Variants in RCL1 observed in about 807,000 individuals in gnomAD.
The protein encoded by RCL1 is RNA 3'-terminal phosphate cyclase-like protein.
RCL1 carries 24 observed loss-of-function variants against 42.4 expected under a neutral mutation model. The observed-to-expected ratio is 0.57, with a 90% confidence interval of 0.41 to 0.80. RCL1 has a LOEUF of 0.80. Ranked by LOEUF, RCL1 falls within the 30% of genes least tolerant of loss-of-function variation. The pLI is 0.00. For missense variants in RCL1, 578 were observed against 467.9 expected (o/e 1.24, Z -2.17); for synonymous variants, 228 against 177.3 (o/e 1.29, Z -2.27).
intron 1 of RCL1, among the ~76,000 whole-genome samples, chr9:4,795,013 A>G (rs1329483058): frequency 1.3e-5 from 2 of 152,164 alleles, no homozygotes; most frequent in African/African-American, 2.4e-5. Context: ...AGAGACTCCT[A>G]GTTATTTGTA....
At chr9:4,849,576 T>C in intron 8 of RCL1, 26 bp downstream of exon 8, 1 of 1,544,048 alleles carries the variant, frequency 6.5e-7, no homozygotes, top group Non-Finnish European at 9.0e-7. Context: ...TCAACCTCGT[T>C]ATTCTGTCCA....
At chr9:4,808,964 C>G (rs1401288341) in intron 1 of RCL1, among the ~76,000 whole-genome samples, 1 of 152,218 alleles carries the variant, frequency 6.6e-6, no homozygotes, top group Non-Finnish European at 1.5e-5. Context: ...TTTATTGCCT[C>G]TGGCTACTTA....
At chr9:4,841,379 G>A in intron 6 of RCL1, 22 bp downstream of exon 6, 1 of 1,593,036 alleles carries the variant, frequency 6.3e-7, no homozygotes. Context: ...TGTTTTTGAA[G>A]TCTGTTTCTG....
At chr9:4,842,651 T>TTAA (rs1294652818) in intron 6 of RCL1, among the ~76,000 whole-genome samples, 1 of 152,232 alleles carries the variant, frequency 6.6e-6, no homozygotes, top group East Asian at 1.9e-4. Context: ...ATATAAGCCA[T>TTAA]TAATACCTTG....
At chr9:4,834,079 G>C in intron 4 of RCL1, 62 bp from the exon 5 acceptor site, 1 of 1,562,706 alleles carries the variant, frequency 6.4e-7, no homozygotes, top group African/African-American at 1.4e-5. Context: ...TCCTGGGCAG[G>C]GTGTCAGGGT....
In RCL1 at chr9:4,795,964, G is replaced by A. The variant is rs72697953; in HGVS notation, c.136+2737G>A. Among the ~76,000 whole-genome samples, 138 of 152,310 alleles carry A rather than the reference G, an allele frequency of 9.1e-4. 1 individual carries two copies. Among genetic ancestry groups the A allele is most frequent in the Admixed American group, 3.7e-3 (57 of 15,298 alleles). ...GAGTATTGTACAGGGGCTCAGTGGAGTTCAGAGCAGACACTTCCCTGAAAG... is the reference window on the plus strand; with the variant it reads ...GAGTATTGTACAGGGGCTCAGTGGAATTCAGAGCAGACACTTCCCTGAAAG... On this transcript the variant is annotated intron_variant, in intron 1 of 8. Coordinates refer to ENST00000381750, the MANE Select transcript of RCL1 (RefSeq NM_005772.5).
At chr9:4,799,728 A>C (rs1243575976) in intron 1 of RCL1, among the ~76,000 whole-genome samples, 1 of 152,138 alleles carries the variant, frequency 6.6e-6, no homozygotes, top group Non-Finnish European at 1.5e-5. Flanking sequence ...AAAAAGAAAA[A>C]ACTTGAAGGG....
At chr9:4,830,795 T>C (rs1198997610) in intron 3 of RCL1, among the ~76,000 whole-genome samples, 4 of 152,222 alleles carry the variant, frequency 2.6e-5, no homozygotes, top group African/African-American at 9.6e-5. Flanking sequence ...TCCTCTCTTT[T>C]TTCTTTTTTT....
chr9:4,817,753 T>A lies in RCL1; in HGVS notation c.137-5795T>A, dbSNP rs549365971. Among the ~76,000 whole-genome samples the A allele has an allele frequency of 2.6e-5, 4 of 152,226 alleles. No homozygotes were observed. In the East Asian group the frequency reaches 7.7e-4, roughly 29 times the overall value. On this transcript the variant is annotated intron_variant, in intron 1 of 8. Transcript: ENST00000381750. ...CTCAAGTAATTTGCCTGCCTCAGCC[T>A]CCCAAAGTGCTGGGATTACAGGCGT...
intron 1 of RCL1, among the ~76,000 whole-genome samples, chr9:4,806,587 TACACACACACACACACACACACAC>T (rs71326137): frequency 1.7e-3 from 231 of 135,766 alleles, no homozygotes; most frequent in African/African-American, 6.2e-3. Flanking sequence ...CTACTTGATC[TACACACACACACACACACACACAC>T]ACACACACAC....
chr9:4,806,498 T>C (rs1387536159), intron 1 of RCL1, among the ~76,000 whole-genome samples: 4 of 152,078 alleles, frequency 2.6e-5, no homozygotes, highest in Non-Finnish European at 5.9e-5. Context: ...GTGATTTTTC[T>C]TCTTCAGCCT....
chr9:4,847,437 C>T (rs1424342042), intron 7 of RCL1, among the ~76,000 whole-genome samples: 1 of 152,186 alleles, frequency 6.6e-6, no homozygotes, highest in Non-Finnish European at 1.5e-5. Context: ...CTAATCCCCC[C>T]TGTTCCATTT....
intron 3 of RCL1, among the ~76,000 whole-genome samples, chr9:4,829,936 C>T: frequency 6.6e-6 from 1 of 152,206 alleles, no homozygotes; most frequent in Non-Finnish European, 1.5e-5. Flanking sequence ...TAAGCTTCCT[C>T]TCTGCCCTCT....
At chr9:4,850,140 C>G (rs1163795416) in intron 8 of RCL1, among the ~76,000 whole-genome samples, 3 of 152,158 alleles carry the variant, frequency 2.0e-5, no homozygotes, top group South Asian at 2.1e-4. Flanking sequence ...GAAGCATTTC[C>G]TATTGATAGT....
intron 8 of RCL1, among the ~76,000 whole-genome samples, chr9:4,855,068 A>AC (rs1817896822): frequency 6.6e-6 from 1 of 150,804 alleles, no homozygotes; most frequent in South Asian, 2.1e-4. Flanking sequence ...AAAAAAAAAA[A>AC]AAAAATAGGA....
chr9:4,812,146 A>T (rs200209314), intron 1 of RCL1, among the ~76,000 whole-genome samples: 1 of 152,144 alleles, frequency 6.6e-6, no homozygotes, highest in African/African-American at 2.4e-5. Context: ...CTTCACTCCA[A>T]TGGTTTCCTT....
chr9:4,797,123 A>C (rs1279434432), intron 1 of RCL1, among the ~76,000 whole-genome samples: 5 of 152,196 alleles, frequency 3.3e-5, no homozygotes, highest in Admixed American at 3.3e-4. Flanking sequence ...GTCCTTGGGC[A>C]AATTATTTTA....
At chr9:4,799,618 T>C (rs1842966370) in intron 1 of RCL1, among the ~76,000 whole-genome samples, 1 of 152,220 alleles carries the variant, frequency 6.6e-6, no homozygotes, top group African/African-American at 2.4e-5. Flanking sequence ...AATTTTGTCA[T>C]TTGAAGACTG....
At chr9:4,854,659 C>G (rs1183394762) in intron 8 of RCL1, among the ~76,000 whole-genome samples, 3 of 152,142 alleles carry the variant, frequency 2.0e-5, no homozygotes, top group Non-Finnish European at 2.9e-5. Flanking sequence ...GATCTGGCAG[C>G]CTGTCAAATC....
Sources: gnomAD v4.1 joint callset for allele counts (sites outside exome capture counted in the v4.1 genomes callset) on GRCh38, gnomAD v4.1.1 for gene constraint, MANE v1.5 for transcripts, NCBI Gene and HGNC (gene_info 2026-07-23, HGNC 2026-07-21) for gene names.